UGT1A10: variants seen among roughly 807,000 people sequenced by gnomAD.
UGT1A10 encodes the protein UDP-glucuronosyltransferase 1A10.
In UGT1A10, 49 loss-of-function variants were observed where a neutral mutation model predicts 45.8. That is an observed-to-expected ratio of 1.07 (90% CI 0.85 to 1.36). The LOEUF (loss-of-function observed/expected upper bound fraction) is 1.36. Ranked by LOEUF, UGT1A10 falls within the 40% of genes most tolerant of loss-of-function variation. UGT1A10 has a pLI of 0.00. For missense variants in UGT1A10, 745 were observed against 668.6 expected (o/e 1.11, Z -1.26); for synonymous variants, 284 against 249.7 (o/e 1.14, Z -1.29).
Position 233,760,912 on chromosome 2 carries a change from C to G in UGT1A10, c.856-6122C>G, listed in dbSNP as rs72551343. On this transcript the variant is annotated intron_variant, in intron 1 of 4. Transcript: ENST00000344644. ...TTCAGATCACATGACCTTCCTGCAG[C>G]GGGTGAAGAACATGCTCATTGCCTT... The G allele has an allele frequency of 6.2e-7, 1 of 1,614,070 alleles. No individual in the cohort carries two copies. The highest frequency in any genetic ancestry group is 1.3e-5 in the African/African-American group (1 of 74,930).
chr2:233,758,992 G>A (rs561211595), intron 1 of UGT1A10, among the ~76,000 whole-genome samples: 1 of 152,306 alleles, frequency 6.6e-6, no homozygotes, highest in Non-Finnish European at 1.5e-5. Flanking sequence ...CCAGTGGAAT[G>A]AGTACAATTT....
intron 1 of UGT1A10, 77 bp from the exon 2 acceptor site, chr2:233,766,957 C>A: frequency 6.2e-7 from 1 of 1,604,766 alleles, no homozygotes; most frequent in East Asian, 2.2e-5. Context: ...AGGAAGATAT[C>A]TAATTCATAA....
rs375883067 is a variant in UGT1A10 at position 233,767,172 on chromosome 2, A to C, written c.987+7A>C. ...GGGCAAAATCCCTCAGACAGTAAGA[A>C]GATTCTATACCATGGCCTCATATCT... On this transcript the variant is annotated splice_region_variant and intron_variant, in intron 2 of 4. Coordinates refer to ENST00000344644, the MANE Select transcript of UGT1A10 (RefSeq NM_019075.4). 4 of 1,613,980 alleles carry C rather than the reference A, an allele frequency of 2.5e-6. No individual in the cohort carries two copies. In the African/African-American group the frequency reaches 5.3e-5, roughly 22 times the overall value.
chr2:233,656,768 G>A (rs2073862579), intron 1 of UGT1A10, among the ~76,000 whole-genome samples: 1 of 152,100 alleles, frequency 6.6e-6, no homozygotes, highest in African/African-American at 2.4e-5. Flanking sequence ...AGGTTTCTTT[G>A]GGGTCCCGCT....
chr2:233,658,646 G>T (rs2073904140), intron 1 of UGT1A10, among the ~76,000 whole-genome samples: 3 of 152,176 alleles, frequency 2.0e-5, no homozygotes, highest in African/African-American at 7.2e-5. Flanking sequence ...TTAGACTGGG[G>T]TTATAGGTTT....
At chr2:233,690,271 T>C (rs1031936949) in intron 1 of UGT1A10, among the ~76,000 whole-genome samples, 3 of 152,182 alleles carry the variant, frequency 2.0e-5, no homozygotes, top group Non-Finnish European at 2.9e-5. Context: ...ATTTTGCAGG[T>C]CCTTTGAAAT....
chr2:233,750,771 C>T (rs2125907104), intron 1 of UGT1A10: 1 of 151,994 alleles, frequency 6.6e-6, no homozygotes, highest in East Asian at 1.9e-4. Context: ...TGGTGTTGGG[C>T]CTGTGGGTAC....
Position 233,757,560 on chromosome 2 carries a change from A to ATATATG in UGT1A10, c.856-9473_856-9472insATATGT, listed in dbSNP as rs904896556. On this transcript the variant is annotated intron_variant, in intron 1 of 4. Transcript: ENST00000344644. The stretch of plus-strand genomic sequence containing the variant: ...AATATATATATATATATATATATAT[A>ATATATG]TGTATATATGATATAGCTATAGTCT... 7.5e-3 allele frequency among the ~76,000 whole-genome samples: 922 copies of ATATATG among 123,150 alleles called. 38 individuals are homozygous for ATATATG. The highest frequency in any genetic ancestry group is 0.029 in the African/African-American group (852 of 29,358). 80.8% of individuals were successfully genotyped at this position (123,150 alleles called of 152,430 possible).
intron 1 of UGT1A10, among the ~76,000 whole-genome samples, chr2:233,700,879 C>CA (rs1321841982): frequency 6.6e-6 from 1 of 152,082 alleles, no homozygotes; most frequent in African/African-American, 2.4e-5. Flanking sequence ...CTCCTCCCCC[C>CA]ACCCCACAAC....
chr2:233,657,470 G>T (rs1308749406), intron 1 of UGT1A10, among the ~76,000 whole-genome samples: 1 of 152,178 alleles, frequency 6.6e-6, no homozygotes, highest in Admixed American at 6.5e-5. Flanking sequence ...AGGAGGGGTT[G>T]CCAGGATCTT....
intron 1 of UGT1A10, chr2:233,671,902 T>C: frequency 1.3e-6 from 2 of 1,575,526 alleles, no homozygotes; most frequent in Non-Finnish European, 1.7e-6. Flanking sequence ...GAGCTTAGAT[T>C]CCCAGCTGCT....
rs1699804309 is a variant in UGT1A10, at chr2:233,769,169, A to G, written c.1295+730A>G. Among the ~76,000 whole-genome samples, 1 of 152,236 alleles carries G rather than the reference A, an allele frequency of 6.6e-6. No individual in the cohort carries two copies. The highest frequency in any genetic ancestry group is 2.1e-4 in the South Asian group (1 of 4,828). On this transcript the variant is annotated intron_variant, in intron 4 of 4. Coordinates refer to ENST00000344644, the MANE Select transcript of UGT1A10 (RefSeq NM_019075.4). The surrounding 1 kb of genome is among the most constrained non-coding windows in gnomAD (Gnocchi z 4.4). ...CTGGAACCTGTGAGAAATTTTGTCC[A>G]TGGAGTTTATGAATGAAGGAGCTAT...
At chr2:233,663,839 G>A (rs1365743576) in intron 1 of UGT1A10, among the ~76,000 whole-genome samples, 2 of 152,146 alleles carry the variant, frequency 1.3e-5, no homozygotes, top group African/African-American at 4.8e-5. Context: ...TTTTGCAAAG[G>A]CGGTTTCATT....
intron 1 of UGT1A10, among the ~76,000 whole-genome samples, chr2:233,662,222 G>A (rs1055788436): frequency 6.6e-6 from 1 of 152,168 alleles, no homozygotes; most frequent in Admixed American, 6.5e-5. Flanking sequence ...AAATAGATTT[G>A]TGTCTATAAT....
chr2:233,718,774 A>G, intron 1 of UGT1A10: 2 of 1,612,926 alleles, frequency 1.2e-6, no homozygotes, highest in Non-Finnish European at 1.7e-6. Flanking sequence ...CAAATGTAGC[A>G]GGCACAGCGT....
intron 1 of UGT1A10, among the ~76,000 whole-genome samples, chr2:233,766,331 T>C (rs1699119647): frequency 6.6e-6 from 1 of 152,150 alleles, no homozygotes; most frequent in African/African-American, 2.4e-5. Context: ...CTCCGCGTTG[T>C]TCTGCTGGTC....
At chr2:233,726,859 C>T (rs1181297447) in intron 1 of UGT1A10, among the ~76,000 whole-genome samples, 2 of 152,200 alleles carry the variant, frequency 1.3e-5, no homozygotes, top group Non-Finnish European at 2.9e-5. Flanking sequence ...TCTCCATAGT[C>T]TTCTATTCTC....
At chr2:233,672,150 C>T (rs1199307849) in intron 1 of UGT1A10, 1 of 1,614,182 alleles carries the variant, frequency 6.2e-7, no homozygotes, top group Non-Finnish European at 8.5e-7. Flanking sequence ...CACTGAATTG[C>T]ACAGTGAAGA....
intron 4 of UGT1A10, chr2:233,770,774 T>C (rs1700153442): frequency 6.6e-6 from 1 of 152,224 alleles, no homozygotes; most frequent in African/African-American, 2.4e-5. Context: ...TAATAATGTT[T>C]CCAAATAACA....
Sources: allele counts gnomAD v4.1 joint callset (sites outside exome capture counted in the v4.1 genomes callset), GRCh38; gene constraint gnomAD v4.1.1; non-coding constraint Gnocchi (gnomAD v3.1); transcripts MANE v1.5; gene names NCBI Gene and HGNC (gene_info 2026-07-23, HGNC 2026-07-21).